CNTN4: variants seen among roughly 807,000 people sequenced by gnomAD.
CNTN4 encodes the protein contactin-4.
In CNTN4, 77 loss-of-function variants were observed where a neutral mutation model predicts 122.5. The observed-to-expected ratio is 0.63, with a 90% CI of 0.52 to 0.76. The LOEUF is 0.76. Among genes scored for constraint, CNTN4 ranks in the 30% least tolerant of loss-of-function variants. The probability of loss-of-function intolerance (pLI) is 0.00; values close to 1 mark genes in which losing one functional copy is unlikely to be tolerated. For synonymous variants in CNTN4, 512 were observed against 447.0 expected, an observed-to-expected ratio of 1.15 and a Z score of -1.83; for missense variants, 1,256 against 1,259.1, an observed-to-expected ratio of 1.00 and a Z score of 0.04.
chr3:2,592,565 A>C (rs2080549622), intron 4 of CNTN4, among the ~76,000 whole-genome samples: 1 of 152,146 alleles, frequency 6.6e-6, no homozygotes, highest in Admixed American at 6.5e-5. Context: ...GATGGTTTTA[A>C]AAACGGGAGT....
At chr3:2,218,401 TC>T (rs1182592729) in intron 2 of CNTN4, among the ~76,000 whole-genome samples, 3 of 152,180 alleles carry the variant, frequency 2.0e-5, no homozygotes, top group African/African-American at 7.2e-5. Context: ...GTACCTGTAG[TC>T]CCAGCTACTC....
At chr3:2,899,869 CAAT>C (rs1313982990) in intron 10 of CNTN4, among the ~76,000 whole-genome samples, 5 of 151,956 alleles carry the variant, frequency 3.3e-5, no homozygotes, top group Non-Finnish European at 4.4e-5. Flanking sequence ...CAATAATAAA[CAAT>C]GATGATAGTC....
chr3:2,262,004 T>C (rs1428819467), intron 2 of CNTN4, among the ~76,000 whole-genome samples: 4 of 152,186 alleles, frequency 2.6e-5, no homozygotes, highest in Admixed American at 6.6e-5. Flanking sequence ...CCCAGGCTTT[T>C]CTCCAGCTGG....
Position 3,056,178 on chromosome 3 carries a change from C to A in CNTN4, c.3039C>A (p.Ile1013=). Residue 1013 remains isoleucine, a synonymous_variant, in exon 25 of 25, where the codon ATC becomes ATA. Transcript: ENST00000418658. ...CGAATGCATGTACGCTGTCAGCCAT[C>A]AGTACAATAATGATTTCCCTCACAG... The part of the protein sequence containing the change: ...STSNACTLSA[I]STIMISLTAR... 1.9e-6 allele frequency: 3 copies of A among 1,614,062 alleles called. No homozygotes were observed. Among genetic ancestry groups the A allele is most frequent in the Non-Finnish European group, 2.5e-6 (3 of 1,179,936 alleles).
rs981260369 is a variant in CNTN4, at chr3:2,432,628, ATGTG to A, written c.-89+93401_-89+93404del. On this transcript the variant is annotated intron_variant, in intron 3 of 24. Transcript: ENST00000418658. ...TGCGTGTGTGTATGTGTGTATATAT[ATGTG>A]TGTGTATGTATGTGTATATATATGT... 4.6e-5 allele frequency among the ~76,000 whole-genome samples: 7 copies of A among 151,544 alleles called. No homozygotes were observed. In the South Asian group the frequency reaches 6.3e-4, roughly 14 times the overall value.
At chr3:2,580,411 A>G (rs2079883432) in intron 4 of CNTN4, among the ~76,000 whole-genome samples, 1 of 152,208 alleles carries the variant, frequency 6.6e-6, no homozygotes, top group African/African-American at 2.4e-5. Context: ...AGTAGGATCC[A>G]GTGGTTCAAA....
chr3:2,216,096 T>G (rs189359488), intron 2 of CNTN4, among the ~76,000 whole-genome samples: 1,820 of 152,150 alleles, frequency 0.012, 20 homozygotes, highest in Middle Eastern at 0.024. Context: ...GAATGTTCAC[T>G]GCAGCACTCT....
intron 2 of CNTN4, among the ~76,000 whole-genome samples, chr3:2,334,306 C>T (rs910107397): frequency 6.6e-5 from 10 of 152,040 alleles, no homozygotes; most frequent in East Asian, 1.9e-4. Flanking sequence ...TGCAGGTGTG[C>T]GCTACCACAT....
intron 4 of CNTN4, among the ~76,000 whole-genome samples, chr3:2,696,164 T>C (rs2086022413): frequency 6.6e-6 from 1 of 152,242 alleles, no homozygotes; most frequent in Admixed American, 6.5e-5. Context: ...TTCAGCATAT[T>C]AGCTTTTCAA....
At chr3:2,348,952 A>G (rs1471511346) in intron 3 of CNTN4, among the ~76,000 whole-genome samples, 1 of 152,214 alleles carries the variant, frequency 6.6e-6, no homozygotes, top group Non-Finnish European at 1.5e-5. Flanking sequence ...TGCCTTAGAT[A>G]AATGCATTCT....
intron 7 of CNTN4, among the ~76,000 whole-genome samples, chr3:2,824,527 A>G (rs1000007511): frequency 5.3e-5 from 8 of 152,176 alleles, no homozygotes; most frequent in Non-Finnish European, 8.8e-5. Flanking sequence ...CACCAGATTT[A>G]AGGTCCATTC....
At chr3:2,974,258 A>AATTTTATTAAAACT (rs1693209696) in intron 13 of CNTN4, among the ~76,000 whole-genome samples, 2 of 152,166 alleles carry the variant, frequency 1.3e-5, no homozygotes, top group Non-Finnish European at 2.9e-5. Context: ...ACTGGTTTCC[A>AATTTTATTAAAACT]TGTATCATAG....
At chr3:2,651,723 G>T (rs527938011) in intron 4 of CNTN4, among the ~76,000 whole-genome samples, 8 of 144,236 alleles carry the variant, frequency 5.5e-5, no homozygotes, top group African/African-American at 2.1e-4. Context: ...TTTTTTTTGA[G>T]ACGGAGTCTC....
intron 3 of CNTN4, among the ~76,000 whole-genome samples, chr3:2,400,483 A>G (rs1402054496): frequency 2.8e-5 from 4 of 142,048 alleles, no homozygotes; most frequent in African/African-American, 1.0e-4. Context: ...ATTTTATTAC[A>G]AGATATTGGA....
At chr3:2,573,208 T>C (rs558601698) in intron 4 of CNTN4, among the ~76,000 whole-genome samples, 1 of 152,330 alleles carries the variant, frequency 6.6e-6, no homozygotes, top group East Asian at 1.9e-4. Context: ...AGATTTTTGT[T>C]TTCATTCTTC....
At chr3:2,756,897 A>AT (rs561157647) in intron 6 of CNTN4, among the ~76,000 whole-genome samples, 5 of 151,006 alleles carry the variant, frequency 3.3e-5, no homozygotes, top group South Asian at 2.1e-4. Context: ...GAGAGAATAA[A>AT]TTTTTTTTTT....
intron 4 of CNTN4, among the ~76,000 whole-genome samples, chr3:2,586,258 TTTG>T (rs1305424826): frequency 1.3e-5 from 2 of 152,134 alleles, no homozygotes; most frequent in African/African-American, 4.8e-5. Flanking sequence ...ATTCTCCATT[TTTG>T]TTGTTGTTGT....
chr3:2,674,371 A>G (rs1369189219), intron 4 of CNTN4, among the ~76,000 whole-genome samples: 1 of 152,196 alleles, frequency 6.6e-6, no homozygotes, highest in Admixed American at 6.5e-5. Context: ...AATCAGGGTA[A>G]TTAGCATCTC....
chr3:2,614,694 G>A (rs1486154624), intron 4 of CNTN4, among the ~76,000 whole-genome samples: 1 of 152,144 alleles, frequency 6.6e-6, no homozygotes, highest in Non-Finnish European at 1.5e-5. Context: ...TCACTGAGGA[G>A]AGAGAGCAGG....
Sources: allele counts gnomAD v4.1 joint callset (sites outside exome capture counted in the v4.1 genomes callset), GRCh38; gene constraint gnomAD v4.1.1; transcripts MANE v1.5; gene names NCBI Gene and HGNC (gene_info 2026-07-23, HGNC 2026-07-21).